ENTREP2: variants seen among roughly 807,000 people sequenced by gnomAD.
The protein encoded by ENTREP2 is protein ENTREP2.
the ENTREP2 span, among the ~76,000 whole-genome samples, chr15:29,159,036 T>C: frequency 6.6e-6 from 1 of 152,342 alleles, no homozygotes; most frequent in South Asian, 2.1e-4. Flanking sequence ...TTCAGGACAT[T>C]GAGCGGGTCG....
the ENTREP2 span, among the ~76,000 whole-genome samples, chr15:29,631,883 T>C: frequency 6.6e-6 from 1 of 152,224 alleles, no homozygotes; most frequent in Non-Finnish European, 1.5e-5. Flanking sequence ...TGGCCTCTGC[T>C]GATGGCACCA....
At chr15:29,182,463 G>T in the ENTREP2 span, among the ~76,000 whole-genome samples, 1 of 151,894 alleles carries the variant, frequency 6.6e-6, no homozygotes, top group Admixed American at 6.6e-5. Flanking sequence ...TTCCAATAAG[G>T]ACAAAATGAT....
the ENTREP2 span, among the ~76,000 whole-genome samples, chr15:29,215,579 T>TAC: frequency 1.6e-5 from 2 of 128,462 alleles, no homozygotes; most frequent in South Asian, 2.1e-4. Context: ...ATATATATAA[T>TAC]ATATATATAT....
chr15:29,543,229 G>A, the ENTREP2 span, among the ~76,000 whole-genome samples: 2 of 152,164 alleles, frequency 1.3e-5, no homozygotes, highest in Non-Finnish European at 2.9e-5. Context: ...CATTAATGCT[G>A]CACGTACACA....
At chr15:29,310,015 G>C in the ENTREP2 span, among the ~76,000 whole-genome samples, 2 of 152,068 alleles carry the variant, frequency 1.3e-5, no homozygotes, top group African/African-American at 4.8e-5. Context: ...GTGGACTGAA[G>C]GTCCCTCTCC....
At chr15:29,420,527 T>C in the ENTREP2 span, among the ~76,000 whole-genome samples, 1 of 152,148 alleles carries the variant, frequency 6.6e-6, no homozygotes, top group South Asian at 2.1e-4. Flanking sequence ...TGCAAAGCAG[T>C]CAGGCTCTTA....
chr15:29,510,474 CA>C, the ENTREP2 span, among the ~76,000 whole-genome samples: 1 of 152,136 alleles, frequency 6.6e-6, no homozygotes, highest in Non-Finnish European at 1.5e-5. Context: ...GCACTATTCA[CA>C]ATAGCAAAGA....
the ENTREP2 span, among the ~76,000 whole-genome samples, chr15:29,207,009 A>G: frequency 6.6e-6 from 1 of 152,130 alleles, no homozygotes; most frequent in South Asian, 2.1e-4. Context: ...CATGCTCCGT[A>G]GGTTGGATGA....
the ENTREP2 span, among the ~76,000 whole-genome samples, chr15:29,297,444 G>A: frequency 6.6e-6 from 1 of 152,116 alleles, no homozygotes; most frequent in Admixed American, 6.5e-5. Context: ...GACAGATAAA[G>A]GGAAATAACA....
the ENTREP2 span, among the ~76,000 whole-genome samples, chr15:29,476,323 A>G: frequency 6.6e-6 from 1 of 152,186 alleles, no homozygotes; most frequent in African/African-American, 2.4e-5. Flanking sequence ...CCACCCCATA[A>G]AAGGGAAAAC....
chr15:29,424,743 A>G, the ENTREP2 span, among the ~76,000 whole-genome samples: 2 of 152,154 alleles, frequency 1.3e-5, no homozygotes, highest in African/African-American at 4.8e-5. Flanking sequence ...CAGCTTTTTC[A>G]ACACATTTCC....
At chr15:29,479,275 C>T in the ENTREP2 span, among the ~76,000 whole-genome samples, 41 of 151,530 alleles carry the variant, frequency 2.7e-4, no homozygotes, top group East Asian at 4.5e-3. Flanking sequence ...CCATGGTATG[C>T]GGTTGCTCCT....
the ENTREP2 span, among the ~76,000 whole-genome samples, chr15:29,585,546 C>A: frequency 6.6e-6 from 1 of 152,106 alleles, no homozygotes; most frequent in African/African-American, 2.4e-5. Context: ...CTTTATACAG[C>A]CAGTGGAACA....
the ENTREP2 span, among the ~76,000 whole-genome samples, chr15:29,159,826 A>C: frequency 6.6e-6 from 1 of 152,252 alleles, no homozygotes; most frequent in South Asian, 2.1e-4. Flanking sequence ...CTAGACATAA[A>C]GGTTCTCCAA....
the ENTREP2 span, among the ~76,000 whole-genome samples, chr15:29,228,671 T>C: frequency 3.3e-5 from 5 of 152,168 alleles, no homozygotes; most frequent in African/African-American, 4.8e-5. Context: ...TAATATACTG[T>C]TTAATTATTA....
At chr15:29,659,213 G>A in the ENTREP2 span, among the ~76,000 whole-genome samples, 6 of 152,154 alleles carry the variant, frequency 3.9e-5, no homozygotes, top group African/African-American at 1.4e-4. Context: ...GCTCATGCCT[G>A]TAATCCCAGC....
chr15:29,136,396 C>T, the ENTREP2 span: 2 of 1,527,646 alleles, frequency 1.3e-6, no homozygotes, highest in South Asian at 1.2e-5. Context: ...CCACCACCGC[C>T]TCGTACGGAG....
the ENTREP2 span, among the ~76,000 whole-genome samples, chr15:29,638,795 T>G: frequency 6.7e-6 from 1 of 149,006 alleles, no homozygotes; most frequent in Admixed American, 6.7e-5. Context: ...CACTGTGGCA[T>G]TCATTGCCTT....
chr15:29,118,783 A>G, the ENTREP2 span, among the ~76,000 whole-genome samples: 11 of 141,406 alleles, frequency 7.8e-5, no homozygotes, highest in Non-Finnish European at 1.3e-4. Context: ...TAGAGTGACA[A>G]TTCTGGCAGC....
Sources: allele counts gnomAD v4.1 joint callset (sites outside exome capture counted in the v4.1 genomes callset), GRCh38; gene constraint gnomAD v4.1.1; transcripts MANE v1.5; gene names NCBI Gene and HGNC (gene_info 2026-07-23, HGNC 2026-07-21).